AFF1: variants seen among roughly 807,000 people sequenced by gnomAD.
The protein encoded by AFF1 is AF4/FMR2 family member 1.
AFF1 carries 48 observed loss-of-function variants against 121.7 expected under a neutral mutation model. The observed-to-expected ratio is 0.39, with a 90% CI of 0.31 to 0.50. AFF1 has a LOEUF of 0.50. Among genes scored for constraint, AFF1 ranks in the 20% least tolerant of loss-of-function variants. AFF1 has a pLI of 0.76. For synonymous variants in AFF1, 613 were observed against 563.0 expected (o/e 1.09, Z -1.26); for missense variants, 1,523 against 1,511.7 (o/e 1.01, Z -0.12).
At chr4:87,060,875 A>C (rs1578168438) in intron 4 of AFF1, among the ~76,000 whole-genome samples, 1 of 141,590 alleles carries the variant, frequency 7.1e-6, no homozygotes, top group Non-Finnish European at 1.5e-5. Flanking sequence ...AAACACAAAA[A>C]AACAACAACA....
intron 15 of AFF1, 122 bp from the exon 16 acceptor site, chr4:87,127,521 T>A: frequency 2.3e-6 from 2 of 857,878 alleles, no homozygotes; most frequent in South Asian, 3.3e-5. Context: ...CTTCTCCTTC[T>A]TTGTTTACCC....
intron 12 of AFF1, among the ~76,000 whole-genome samples, chr4:87,124,513 T>G (rs1728026368): frequency 6.6e-6 from 1 of 152,224 alleles, no homozygotes; most frequent in Non-Finnish European, 1.5e-5. Context: ...TGTAGACGGT[T>G]TCCTTTCAAC....
intron 4 of AFF1, among the ~76,000 whole-genome samples, chr4:87,081,152 ATTTTTTTTTTT>A (rs549510832): frequency 0.033 from 2,999 of 89,756 alleles, 142 homozygotes; most frequent in African/African-American, 0.12. Context: ...AATGAAATGA[ATTTTTTTTTTT>A]TTTTTTTTTT....
intron 2 of AFF1, among the ~76,000 whole-genome samples, chr4:86,992,815 CAT>C (rs1217037627): frequency 6.6e-6 from 1 of 152,264 alleles, no homozygotes; most frequent in Non-Finnish European, 1.5e-5. Flanking sequence ...AGCTCAATAA[CAT>C]ATAAATCCTT....
At chr4:87,022,194 G>T (rs576466320) in intron 2 of AFF1, among the ~76,000 whole-genome samples, 4 of 121,576 alleles carry the variant, frequency 3.3e-5, no homozygotes, top group Admixed American at 2.0e-4. Context: ...GTGACACAGC[G>T]AGACTCCATC....
rs748093135 is a variant in AFF1, at chr4:86,951,615, CT to C, written c.38+3051del. Among the ~76,000 whole-genome samples the C allele has an allele frequency of 3.0e-3, 370 of 124,768 alleles. 8 individuals are homozygous for C. Among genetic ancestry groups the C allele is most frequent in the African/African-American group, 0.011 (322 of 29,764 alleles). 81.9% of individuals were successfully genotyped at this position (124,768 alleles called of 152,430 possible). On this transcript the variant is annotated intron_variant, in intron 2 of 20. Coordinates refer to ENST00000395146, the MANE Select transcript of AFF1 (RefSeq NM_001166693.3). ...GAACTTTTTTTTCTTTTTCTTTTTT[CT>C]TTTTTTCTTTTTTTTTTTTTTTTTT...
intron 2 of AFF1, among the ~76,000 whole-genome samples, chr4:87,009,715 T>C (rs749714254): frequency 1.3e-5 from 2 of 152,180 alleles, no homozygotes; most frequent in Non-Finnish European, 2.9e-5. Context: ...AAAGAGAATA[T>C]ATGGAGAAGA....
chr4:86,971,083 C>T (rs373373960), intron 2 of AFF1, among the ~76,000 whole-genome samples: 5 of 152,116 alleles, frequency 3.3e-5, no homozygotes, highest in African/African-American at 9.7e-5. Flanking sequence ...GTTTACACTG[C>T]GGTGAGCATG....
chr4:86,992,264 T>C (rs913385816), intron 2 of AFF1, among the ~76,000 whole-genome samples: 40 of 152,186 alleles, frequency 2.6e-4, no homozygotes, highest in African/African-American at 9.7e-4. Flanking sequence ...ATTTTTCTTA[T>C]CTCTGAAGCA....
intron 2 of AFF1, among the ~76,000 whole-genome samples, chr4:87,022,987 T>C (rs1395276072): frequency 6.6e-6 from 1 of 151,968 alleles, no homozygotes; most frequent in African/African-American, 2.4e-5. Context: ...ACCGCAGCAT[T>C]AGACTCCTGG....
At chr4:86,978,613 A>G (rs1179494577) in intron 2 of AFF1, among the ~76,000 whole-genome samples, 1 of 152,110 alleles carries the variant, frequency 6.6e-6, no homozygotes, top group Non-Finnish European at 1.5e-5. Context: ...TGCAACCAAT[A>G]TAATATAAAG....
intron 11 of AFF1, among the ~76,000 whole-genome samples, chr4:87,111,828 C>A (rs1054336239): frequency 2.0e-5 from 3 of 152,144 alleles, no homozygotes; most frequent in African/African-American, 7.2e-5. Context: ...GGACATAGGC[C>A]TTCCTTTGGA....
At chr4:87,102,294 T>TTA (rs1429599229) in intron 8 of AFF1, among the ~76,000 whole-genome samples, 1 of 152,200 alleles carries the variant, frequency 6.6e-6, no homozygotes, top group African/African-American at 2.4e-5. Context: ...ATTTGACCAG[T>TTA]TAAAGTATAT....
At chr4:87,031,317 C>A (rs1354204743) in intron 2 of AFF1, among the ~76,000 whole-genome samples, 1 of 152,226 alleles carries the variant, frequency 6.6e-6, no homozygotes. Context: ...ATTCAAGATT[C>A]AGCTCAGATG....
chr4:87,073,280 C>CAAAAAAAAAAAAA (rs55821662), intron 4 of AFF1, among the ~76,000 whole-genome samples: 12 of 83,686 alleles, frequency 1.4e-4, no homozygotes, highest in Non-Finnish European at 2.0e-4. Flanking sequence ...GCATTAAAGC[C>CAAAAAAAAAAAAA]AAAAAAAAAA....
At chr4:87,055,504 A>G (rs1319506222) in intron 4 of AFF1, among the ~76,000 whole-genome samples, 2 of 152,282 alleles carry the variant, frequency 1.3e-5, no homozygotes, top group South Asian at 2.1e-4. Flanking sequence ...GTGGATGGTT[A>G]TTGGATCCCC....
At chr4:87,038,238 C>T (rs949942833) in intron 2 of AFF1, among the ~76,000 whole-genome samples, 1 of 152,088 alleles carries the variant, frequency 6.6e-6, no homozygotes, top group Non-Finnish European at 1.5e-5. Flanking sequence ...AGAGTGAAAA[C>T]CCTGGGACGA....
intron 4 of AFF1, among the ~76,000 whole-genome samples, chr4:87,069,372 C>T (rs1452399495): frequency 2.7e-5 from 4 of 148,288 alleles, no homozygotes; most frequent in Non-Finnish European, 4.5e-5. Flanking sequence ...TCTCTCCCTC[C>T]CTCTCCTTCT....
chr4:87,007,730 T>C (rs1005267294), intron 2 of AFF1, among the ~76,000 whole-genome samples: 2 of 152,196 alleles, frequency 1.3e-5, no homozygotes, highest in Non-Finnish European at 1.5e-5. Context: ...TGTCCGCCCT[T>C]GCCCAAATTT....
Sources: gnomAD v4.1 joint callset for allele counts (sites outside exome capture counted in the v4.1 genomes callset) on GRCh38, gnomAD v4.1.1 for gene constraint, MANE v1.5 for transcripts, NCBI Gene and HGNC (gene_info 2026-07-23, HGNC 2026-07-21) for gene names.